The following GFPT1 variants were observed in gnomAD, a reference collection of about 807,000 sequenced individuals.
The protein encoded by GFPT1 is glutamine--fructose-6-phosphate transaminase 1.
Under a neutral mutation model 92.0 loss-of-function variants are expected in GFPT1, and 40 were observed. That is an observed-to-expected ratio of 0.43 (90% confidence interval 0.34 to 0.57). GFPT1 has a LOEUF of 0.57. Among genes scored for constraint, GFPT1 ranks in the 20% least tolerant of loss-of-function variants. GFPT1 has a pLI of 0.02. For synonymous variants in GFPT1, 269 were observed against 280.6 expected, an observed-to-expected ratio of 0.96 and a Z score of 0.41; for missense variants, 448 against 869.1, an observed-to-expected ratio of 0.52 and a Z score of 6.09.
rs773791243 is a variant in GFPT1, at chr2:69,345,946, C to A, written c.1063G>T (p.Val355Leu). Residue 355 changes from valine to leucine, a missense_variant, in exon 12 of 20, where the codon GTG (valine) becomes TTG (leucine). This residue lies in a region of GFPT1 where 121 missense variants were observed against 304.3 expected (regional missense o/e 0.40). Transcript: ENST00000357308. The part of the protein sequence containing the change: ...KEIFEQPESV[V>L]NTMRGRVNFD... ...TTGACTCTTCCTCTCATTGTGTTCA[C>A]GACAGACTCTGGCTGCTCAAATATT... 5 of 1,606,408 alleles carry A rather than the reference C, an allele frequency of 3.1e-6. No individual in the cohort carries two copies.
intron 3 of GFPT1, among the ~76,000 whole-genome samples, chr2:69,364,672 C>T (rs558463080): frequency 2.6e-5 from 4 of 152,284 alleles, no homozygotes; most frequent in East Asian, 3.9e-4. Context: ...ACTGGGAAAT[C>T]GGCATAGGCC....
At chr2:69,355,986 T>C (rs1484469351) in intron 7 of GFPT1, among the ~76,000 whole-genome samples, 1 of 23,774 alleles carries the variant, frequency 4.2e-5, no homozygotes, top group Non-Finnish European at 7.5e-5. Context: ...TTGCTTTCTT[T>C]TTTTTTTTTT....
At chr2:69,365,169 G>C (rs1222304099) in intron 3 of GFPT1, among the ~76,000 whole-genome samples, 1 of 152,002 alleles carries the variant, frequency 6.6e-6, no homozygotes, top group Admixed American at 6.6e-5. Flanking sequence ...AAGTTTATCA[G>C]AGTTAGGTCT....
At chr2:69,340,057 A>G (rs929674785) in intron 13 of GFPT1, among the ~76,000 whole-genome samples, 3 of 151,952 alleles carry the variant, frequency 2.0e-5, no homozygotes, top group Non-Finnish European at 4.4e-5. Context: ...GGCTTACCAG[A>G]TATTTAAAAG....
chr2:69,335,603 G>T (rs1670775555), intron 15 of GFPT1, among the ~76,000 whole-genome samples: 2 of 152,146 alleles, frequency 1.3e-5, no homozygotes, highest in South Asian at 4.1e-4. Flanking sequence ...AAGGTGGCTG[G>T]TCATTTATTC....
Position 69,367,215 on chromosome 2 carries a change from G to A in GFPT1, c.223+2786C>T, listed in dbSNP as rs143784866. On this transcript the variant is annotated intron_variant, in intron 3 of 19. Transcript: ENST00000357308. ...ACATGAGACCATAAATGATAGTACCGTTTTGTGTTTTTAAATGTCCTATAC... is the reference window on the plus strand; with the variant it reads ...ACATGAGACCATAAATGATAGTACCATTTTGTGTTTTTAAATGTCCTATAC... 4.8e-3 allele frequency among the ~76,000 whole-genome samples: 725 copies of A among 152,208 alleles called. 11 individuals carry two copies. Among genetic ancestry groups the A allele is most frequent in the Admixed American group, 0.012 (179 of 15,284 alleles).
At chr2:69,338,724 CA>C (rs1178923180) in intron 13 of GFPT1, among the ~76,000 whole-genome samples, 159 bp from the exon 14 acceptor site, 2 of 148,568 alleles carry the variant, frequency 1.3e-5, no homozygotes, top group African/African-American at 5.0e-5. Context: ...AAAAAAAAAT[CA>C]AAATCCTACC....
intron 3 of GFPT1, among the ~76,000 whole-genome samples, chr2:69,365,638 T>C (rs931632668): frequency 3.9e-5 from 6 of 152,144 alleles, no homozygotes; most frequent in Non-Finnish European, 7.4e-5. Flanking sequence ...ACATGGCAGA[T>C]ACCTTTTTGT....
At chr2:69,346,972 C>T (rs1220253554) in intron 11 of GFPT1, among the ~76,000 whole-genome samples, 2 of 151,888 alleles carry the variant, frequency 1.3e-5, no homozygotes, top group Non-Finnish European at 2.9e-5. Context: ...TGCAGCGGCA[C>T]GATCTCACCT....
intron 15 of GFPT1, among the ~76,000 whole-genome samples, chr2:69,331,413 G>A (rs1202220926): frequency 6.6e-6 from 1 of 152,026 alleles, no homozygotes; most frequent in Non-Finnish European, 1.5e-5. Context: ...ATGTTTGGGT[G>A]GTCAGATTCT....
At chr2:69,377,546 G>A (rs1171038442) in intron 1 of GFPT1, among the ~76,000 whole-genome samples, 2 of 151,306 alleles carry the variant, frequency 1.3e-5, no homozygotes, top group Non-Finnish European at 2.9e-5. Flanking sequence ...TGTAGTCTCA[G>A]CTACTCGGGA....
intron 13 of GFPT1, among the ~76,000 whole-genome samples, chr2:69,339,116 A>G (rs1670873713): frequency 6.6e-6 from 1 of 152,204 alleles, no homozygotes; most frequent in African/African-American, 2.4e-5. Context: ...ATACCCACAC[A>G]TATAAAACGT....
intron 3 of GFPT1, 64 bp from the exon 4 acceptor site, chr2:69,363,734 A>G: frequency 9.1e-7 from 1 of 1,100,572 alleles, no homozygotes; most frequent in Non-Finnish European, 1.4e-6. Context: ...GCTATAAGCT[A>G]TATTTAAATA....
intron 18 of GFPT1, among the ~76,000 whole-genome samples, chr2:69,327,870 A>AG (rs1574040069): frequency 6.6e-6 from 1 of 151,964 alleles, no homozygotes; most frequent in East Asian, 1.9e-4. Flanking sequence ...TGGGGGGTTG[A>AG]GGCAGGTGGA....
chr2:69,387,006 C>T (rs924131605), intron 1 of GFPT1, 59 bp downstream of exon 1: 1 of 1,326,382 alleles, frequency 7.5e-7, no homozygotes, highest in Non-Finnish European at 1.0e-6. Context: ...GCCTTAGCGG[C>T]ACCCGCACCG....
At chr2:69,382,773 T>C (rs1672040336) in intron 1 of GFPT1, among the ~76,000 whole-genome samples, 1 of 152,202 alleles carries the variant, frequency 6.6e-6, no homozygotes, top group African/African-American at 2.4e-5. Context: ...ACTAATACTC[T>C]ACAAGTTGAG....
At position 69,387,107 on chromosome 2, in the gene GFPT1, G is replaced by C. The variant is rs2104711106; in HGVS notation, c.-36C>G. On this transcript the variant is annotated 5_prime_UTR_variant, in exon 1 of 20. Coordinates refer to ENST00000357308, the MANE Select transcript of GFPT1 (RefSeq NM_001244710.2). ...ACACGGCCCGCGAGGCCAGGGGCGA[G>C]TGGCTGGCGGGATCGGGGGTGCACA... 6.5e-7 allele frequency: 1 copy of C among 1,529,446 alleles called. No individual in the cohort carries two copies. The highest frequency in any genetic ancestry group is 8.7e-7 in the Non-Finnish European group (1 of 1,143,880). 94.7% of individuals were successfully genotyped at this position (1,529,446 alleles called of 1,614,324 possible). A position where few individuals can be genotyped will look rare whatever the true frequency, so the allele number is the denominator to read the frequency against.
In GFPT1 at chr2:69,327,681, T is replaced by C. The variant is rs1399390105; in HGVS notation, c.1893+590A>G. 3.3e-5 allele frequency among the ~76,000 whole-genome samples: 5 copies of C among 152,112 alleles called. No individual in the cohort carries two copies. The East Asian group carries it at 5.8e-4, about 18-fold the overall frequency. Reference sequence around the variant, plus strand: ...ATTTTAAAATACATTTTTAAATGTTTTAGAAGTATTAAATTAAAAAGGAAC... The same window carrying C: ...ATTTTAAAATACATTTTTAAATGTTCTAGAAGTATTAAATTAAAAAGGAAC... On this transcript the variant is annotated intron_variant, in intron 18 of 19. Transcript: ENST00000357308.
chr2:69,371,679 T>C (rs1204166500), intron 2 of GFPT1, among the ~76,000 whole-genome samples: 5 of 145,978 alleles, frequency 3.4e-5, no homozygotes, highest in Non-Finnish European at 7.5e-5. Flanking sequence ...CTACTAAAAA[T>C]ACAAAAAATT....
Sources: allele counts gnomAD v4.1 joint callset (sites outside exome capture counted in the v4.1 genomes callset), GRCh38; gene constraint gnomAD v4.1.1; regional missense constraint gnomAD v4.1.1; transcripts MANE v1.5; gene names NCBI Gene and HGNC (gene_info 2026-07-23, HGNC 2026-07-21).